The following TRERF1 variants were observed in gnomAD, a reference collection of about 807,000 sequenced individuals.
The protein encoded by TRERF1 is transcriptional-regulating factor 1.
A neutral mutation model predicts 122.9 loss-of-function variants in TRERF1; 27 were observed. The ratio of observed to expected loss-of-function variants is 0.22; its 90% confidence interval spans 0.16 to 0.30. The LOEUF is 0.30. Among genes scored for constraint, TRERF1 ranks in the 10% least tolerant of loss-of-function variants. The pLI, the probability that TRERF1 is intolerant of heterozygous loss-of-function variation, is 1.00. For synonymous variants in TRERF1, 636 were observed against 641.7 expected, an observed-to-expected ratio of 0.99 and a Z score of 0.13; for missense variants, 1,248 against 1,560.3, an observed-to-expected ratio of 0.80 and a Z score of 3.37.
At chr6:42,317,966 C>T (rs1019147626) in intron 3 of TRERF1, among the ~76,000 whole-genome samples, 6 of 151,956 alleles carry the variant, frequency 3.9e-5, no homozygotes, top group African/African-American at 1.2e-4. Flanking sequence ...CCAGCCTGGC[C>T]AACATGGCAA....
chr6:42,415,398 A>G (rs1005665764), intron 2 of TRERF1, among the ~76,000 whole-genome samples: 3 of 152,130 alleles, frequency 2.0e-5, no homozygotes, highest in Non-Finnish European at 4.4e-5. Context: ...GATGTTGTCA[A>G]ATGTATCAGT....
intron 2 of TRERF1, among the ~76,000 whole-genome samples, chr6:42,416,779 C>G (rs565320333): frequency 5.3e-5 from 8 of 152,124 alleles, no homozygotes; most frequent in Non-Finnish European, 1.2e-4. Flanking sequence ...AAACATTTAC[C>G]TGTGAAACCA....
At chr6:42,379,704 T>C (rs889228417) in intron 2 of TRERF1, among the ~76,000 whole-genome samples, 2 of 152,126 alleles carry the variant, frequency 1.3e-5, no homozygotes, top group African/African-American at 4.8e-5. Flanking sequence ...ATAATTTTTG[T>C]ATTTTTGGTA....
rs376241383 is a variant in TRERF1 at position 42,322,093 on chromosome 6, C to T, written c.-370-21344G>A. The stretch of plus-strand genomic sequence containing the variant: ...TAAGAACGCAAATACTGCCATTTTA[C>T]TGCACCGGGACTCAGGAAGTACTGT... On this transcript the variant is annotated intron_variant, in intron 3 of 17. Transcript: ENST00000372922. Among the ~76,000 whole-genome samples the T allele has an allele frequency of 2.0e-5, 3 of 152,236 alleles. No individual in the cohort carries two copies. The East Asian group carries it at 5.8e-4, about 29-fold the overall frequency.
chr6:42,422,988 C>T (rs1221445233), intron 2 of TRERF1, among the ~76,000 whole-genome samples: 3 of 152,218 alleles, frequency 2.0e-5, no homozygotes, highest in East Asian at 1.9e-4. Flanking sequence ...TACAGGCATG[C>T]GCCACCACGC....
chr6:42,384,940 G>A (rs909010204), intron 2 of TRERF1, among the ~76,000 whole-genome samples: 2 of 151,800 alleles, frequency 1.3e-5, no homozygotes, highest in Non-Finnish European at 2.9e-5. Context: ...GAGTAGCTGG[G>A]ACTACAGGCA....
At chr6:42,271,184 TAAA>T (rs761098527) in intron 4 of TRERF1, among the ~76,000 whole-genome samples, 109 of 102,656 alleles carry the variant, frequency 1.1e-3, no homozygotes, top group Admixed American at 2.3e-3. Context: ...AAACTCCATC[TAAA>T]AAAAAAAAAA....
At chr6:42,387,232 T>G (rs1776955968) in intron 2 of TRERF1, among the ~76,000 whole-genome samples, 1 of 152,236 alleles carries the variant, frequency 6.6e-6, no homozygotes, top group African/African-American at 2.4e-5. Context: ...CTATTTCCTT[T>G]TCACTGCCTT....
At chr6:42,312,664 G>C (rs1044460903) in intron 3 of TRERF1, among the ~76,000 whole-genome samples, 2 of 152,144 alleles carry the variant, frequency 1.3e-5, no homozygotes, top group African/African-American at 4.8e-5. Context: ...CATCCTCCAC[G>C]GGCATATGGA....
chr6:42,229,207 A>G (rs1770036229), intron 17 of TRERF1, among the ~76,000 whole-genome samples: 2 of 152,110 alleles, frequency 1.3e-5, no homozygotes, highest in Admixed American at 1.3e-4. Flanking sequence ...GTGTGATCAC[A>G]GCTCACCATA....
chr6:42,277,956 A>AGAAGAAGAAGAAGAG (rs1781573550), intron 4 of TRERF1, among the ~76,000 whole-genome samples: 2 of 148,838 alleles, frequency 1.3e-5, no homozygotes, highest in African/African-American at 5.0e-5. Context: ...AAGAAGAAGA[A>AGAAGAAGAAGAAGAG]GAAGAAGAAG....
chr6:42,326,350 G>C (rs2150518787), intron 3 of TRERF1, among the ~76,000 whole-genome samples: 1 of 152,324 alleles, frequency 6.6e-6, no homozygotes, highest in Admixed American at 6.5e-5. Context: ...GTGCAGGTCT[G>C]ACGCCCGTCT....
chr6:42,395,114 G>T (rs1778370104), intron 2 of TRERF1, among the ~76,000 whole-genome samples: 1 of 152,214 alleles, frequency 6.6e-6, no homozygotes, highest in African/African-American at 2.4e-5. Flanking sequence ...CCTCAGAAGA[G>T]CCCTTTGCAA....
intron 5 of TRERF1, among the ~76,000 whole-genome samples, chr6:42,267,143 A>C (rs1199545099): frequency 6.6e-6 from 1 of 152,098 alleles, no homozygotes; most frequent in East Asian, 1.9e-4. Flanking sequence ...TGGGCAACAT[A>C]GGGAGACCTG....
At chr6:42,441,671 A>AG (rs58383884) in intron 2 of TRERF1, among the ~76,000 whole-genome samples, 4,835 of 152,250 alleles carry the variant, frequency 0.032, 211 homozygotes, top group African/African-American at 0.088. Context: ...TTTAAAAAAA[A>AG]AAAAGAAAAG....
rs1223721913 is a variant in TRERF1 at position 42,418,771 on chromosome 6, T to C, written c.-454+32406A>G. ...TCAACTCATTTTCTATTCAAAAGAT[T>C]CATGCTGGGGGTTCAGTAACAGGCA... On this transcript the variant is annotated intron_variant, in intron 2 of 17. Transcript: ENST00000372922. 4.6e-5 allele frequency among the ~76,000 whole-genome samples: 7 copies of C among 152,100 alleles called. No individual in the cohort carries two copies. The East Asian group carries it at 1.4e-3, about 29-fold the overall frequency.
intron 2 of TRERF1, among the ~76,000 whole-genome samples, chr6:42,430,476 G>A (rs1327914478): frequency 1.3e-5 from 2 of 152,208 alleles, no homozygotes; most frequent in African/African-American, 2.4e-5. Flanking sequence ...TAAGCCAGGC[G>A]CTATGGCTCA....
In TRERF1 at chr6:42,350,629, C is replaced by A. The variant is rs548258470; in HGVS notation, c.-371+12368G>T. On this transcript the variant is annotated intron_variant, in intron 3 of 17. Coordinates refer to ENST00000372922, the Ensembl canonical transcript of TRERF1. ...TCTTGATGACGAGTTTAAACCCCCT[C>A]ACTCCCAGGTAACAAAAATTCACAT... is the stretch of plus-strand genomic sequence containing the variant. 1.1e-4 allele frequency among the ~76,000 whole-genome samples: 16 copies of A among 152,302 alleles called. No individual in the cohort carries two copies. In the South Asian group the frequency reaches 3.3e-3, roughly 32 times the overall value.
At chr6:42,310,469 AGTTC>A (rs1444568907) in intron 3 of TRERF1, among the ~76,000 whole-genome samples, 1 of 152,204 alleles carries the variant, frequency 6.6e-6, no homozygotes, top group Non-Finnish European at 1.5e-5. Flanking sequence ...GTGGAGCAGT[AGTTC>A]TCAACAGGGA....
Sources: allele counts gnomAD v4.1 joint callset (sites outside exome capture counted in the v4.1 genomes callset), GRCh38; gene constraint gnomAD v4.1.1; transcripts MANE v1.5; gene names NCBI Gene and HGNC (gene_info 2026-07-23, HGNC 2026-07-21).